The following SOX6 variants were observed in gnomAD, a reference collection of about 807,000 sequenced individuals.
SOX6 encodes the protein SRY-box transcription factor 6, also known as transcription factor SOX-6.
SOX6 carries 11 observed loss-of-function variants against 97.8 expected under a neutral mutation model. The ratio of observed to expected loss-of-function variants is 0.11; its 90% CI spans 0.07 to 0.19. SOX6 has a LOEUF of 0.19. SOX6 is among the 10% of genes least tolerant of loss of function. The pLI, the probability that SOX6 is intolerant of heterozygous loss-of-function variation, is 1.00. For missense variants in SOX6, 810 were observed against 1,039.5 expected, an observed-to-expected ratio of 0.78 and a Z score of 3.04; for synonymous variants, 360 against 371.4, an observed-to-expected ratio of 0.97 and a Z score of 0.35.
chr11:16,376,124 C>T (rs1857637391), intron 1 of SOX6, among the ~76,000 whole-genome samples: 7 of 152,022 alleles, frequency 4.6e-5, no homozygotes, highest in Admixed American at 3.3e-4. Flanking sequence ...ATGTGTATAC[C>T]TATGTAACAA....
chr11:16,139,289 T>C (rs1274399889), intron 6 of SOX6, among the ~76,000 whole-genome samples: 1 of 152,222 alleles, frequency 6.6e-6, no homozygotes, highest in African/African-American at 2.4e-5. Context: ...CACCCAATAG[T>C]TTTAGCATCC....
intron 3 of SOX6, among the ~76,000 whole-genome samples, chr11:16,713,297 C>T (rs187202124): frequency 6.6e-6 from 1 of 152,118 alleles, no homozygotes; most frequent in South Asian, 2.1e-4. Flanking sequence ...GAATACAATG[C>T]ATTACATTGC....
intron 6 of SOX6, among the ~76,000 whole-genome samples, chr11:16,143,333 A>C (rs1331128902): frequency 1.3e-5 from 2 of 152,162 alleles, no homozygotes; most frequent in South Asian, 2.1e-4. Flanking sequence ...GCCTGCCCTA[A>C]AAGAGCTCCT....
chr11:16,097,526 G>A (rs1590194221), intron 8 of SOX6, 83 bp downstream of exon 8: 1 of 1,156,674 alleles, frequency 8.6e-7, no homozygotes, highest in East Asian at 2.4e-5. Flanking sequence ...TAACATTCAG[G>A]CCATTATTTA....
intron 12 of SOX6, among the ~76,000 whole-genome samples, chr11:16,021,896 A>G (rs1001081342): frequency 6.6e-6 from 1 of 152,100 alleles, no homozygotes; most frequent in Admixed American, 6.6e-5. Flanking sequence ...TCTCATACCA[A>G]TACTACAGAG....
chr11:16,194,779 A>G (rs1851728095), intron 4 of SOX6, among the ~76,000 whole-genome samples: 1 of 152,170 alleles, frequency 6.6e-6, no homozygotes, highest in Non-Finnish European at 1.5e-5. Flanking sequence ...AGAACAATCC[A>G]TGGAATCCTG....
At chr11:16,485,813 G>A (rs1303124437) in intron 4 of SOX6, among the ~76,000 whole-genome samples, 1 of 149,488 alleles carries the variant, frequency 6.7e-6, no homozygotes, top group South Asian at 2.1e-4. Context: ...AAGACCACTT[G>A]AGCACAGGAG....
intron 6 of SOX6, among the ~76,000 whole-genome samples, chr11:16,138,328 A>C (rs559257094): frequency 1.2e-4 from 18 of 152,138 alleles, no homozygotes; most frequent in Non-Finnish European, 2.2e-4. Context: ...GGTTAAGTCT[A>C]AAGAGTTTCT....
At chr11:16,241,496 TACTTCAC>T (rs1853193501) in intron 3 of SOX6, among the ~76,000 whole-genome samples, 1 of 152,122 alleles carries the variant, frequency 6.6e-6, no homozygotes, top group Non-Finnish European at 1.5e-5. Flanking sequence ...TTAAAATACA[TACTTCAC>T]TTTTTTAAAA....
chr11:16,093,125 A>G (rs1005620151), intron 9 of SOX6, among the ~76,000 whole-genome samples: 1 of 152,126 alleles, frequency 6.6e-6, no homozygotes, highest in East Asian at 1.9e-4. Flanking sequence ...CTGTTCTCTA[A>G]AGGTCAAAAG....
intron 4 of SOX6, among the ~76,000 whole-genome samples, chr11:16,517,752 A>C (rs1860996348): frequency 6.6e-6 from 1 of 152,224 alleles, no homozygotes; most frequent in African/African-American, 2.4e-5. Flanking sequence ...GTTCATTAAA[A>C]GTATTCCTGA....
intron 1 of SOX6, among the ~76,000 whole-genome samples, chr11:16,430,407 T>C (rs754753963): frequency 9.2e-5 from 14 of 152,206 alleles, no homozygotes; most frequent in Non-Finnish European, 1.2e-4. Flanking sequence ...AAAAGCCTCT[T>C]TCTATAGTCT....
At chr11:16,459,885 C>T (rs1179616747) in intron 1 of SOX6, among the ~76,000 whole-genome samples, 1 of 151,676 alleles carries the variant, frequency 6.6e-6, no homozygotes, top group Non-Finnish European at 1.5e-5. Flanking sequence ...TATGGAGGGG[C>T]ACGAACAAAA....
chr11:16,381,515 C>T (rs993217663), intron 1 of SOX6, among the ~76,000 whole-genome samples: 1 of 151,832 alleles, frequency 6.6e-6, no homozygotes, highest in African/African-American at 2.4e-5. Context: ...AAAATATGTT[C>T]AATTTTTTTT....
chr11:16,659,375 T>G (rs1190682300), intron 3 of SOX6, among the ~76,000 whole-genome samples: 2 of 152,206 alleles, frequency 1.3e-5, no homozygotes. Flanking sequence ...ATTTATTAGC[T>G]CTCTATCCTG....
chr11:16,373,428 T>C (rs552230444), intron 1 of SOX6, among the ~76,000 whole-genome samples: 4 of 152,100 alleles, frequency 2.6e-5, no homozygotes, highest in Non-Finnish European at 5.9e-5. Context: ...TTTTGTTCCA[T>C]TGGTCTAACT....
intron 1 of SOX6, among the ~76,000 whole-genome samples, chr11:16,342,061 G>A (rs986118148): frequency 6.6e-6 from 1 of 151,958 alleles, no homozygotes; most frequent in Non-Finnish European, 1.5e-5. Flanking sequence ...TGCCTACTGT[G>A]CATAATATTT....
At chr11:16,247,742 T>A (rs1273927587) in intron 3 of SOX6, among the ~76,000 whole-genome samples, 1 of 152,266 alleles carries the variant, frequency 6.6e-6, no homozygotes, top group African/African-American at 2.4e-5. Flanking sequence ...CAATTCAAGA[T>A]GAGATTTGGG....
intron 3 of SOX6, among the ~76,000 whole-genome samples, chr11:16,265,185 G>A (rs887178058): frequency 7.2e-5 from 11 of 151,864 alleles, no homozygotes; most frequent in African/African-American, 2.2e-4. Flanking sequence ...TACTGAGTAC[G>A]ACGGCCAGAT....
Sources: gnomAD v4.1 joint callset for allele counts (sites outside exome capture counted in the v4.1 genomes callset) on GRCh38, gnomAD v4.1.1 for gene constraint, MANE v1.5 for transcripts, NCBI Gene and HGNC (gene_info 2026-07-23, HGNC 2026-07-21) for gene names.